DNAH9: variants seen among roughly 807,000 people sequenced by gnomAD.
The protein encoded by DNAH9 is dynein axonemal heavy chain 9, also known as DNAH9 variant protein.
A neutral mutation model predicts 471.6 loss-of-function variants in DNAH9; 345 were observed. The observed-to-expected ratio is 0.73, with a 90% CI of 0.67 to 0.80. The LOEUF (loss-of-function observed/expected upper bound fraction) is 0.80, where lower values mean the gene tolerates loss of function less well. Ranked by LOEUF, DNAH9 falls within the 30% of genes least tolerant of loss-of-function variation. DNAH9 has a pLI of 0.00. For synonymous variants in DNAH9, 2,093 were observed against 2,123.6 expected (o/e 0.99, Z 0.40); for missense variants, 5,407 against 5,609.2 (o/e 0.96, Z 1.15).
intron 48 of DNAH9, among the ~76,000 whole-genome samples, chr17:11,826,335 A>C (rs1194113286): frequency 6.9e-6 from 1 of 144,150 alleles, no homozygotes; most frequent in Non-Finnish European, 1.5e-5. Flanking sequence ...TGCTTCTGCT[A>C]TCCAATTCCC....
At chr17:11,769,739 A>G (rs1364616468) in intron 38 of DNAH9, among the ~76,000 whole-genome samples, 1 of 152,178 alleles carries the variant, frequency 6.6e-6, no homozygotes, top group East Asian at 1.9e-4. Context: ...GGCTCAGGTA[A>G]AAGGATGTGA....
At chr17:11,916,819 A>G (rs985176742) in intron 61 of DNAH9, among the ~76,000 whole-genome samples, 2 of 152,174 alleles carry the variant, frequency 1.3e-5, no homozygotes, top group African/African-American at 4.8e-5. Context: ...CAGATTCAAG[A>G]TTTGTTCCTT....
intron 18 of DNAH9, 115 bp downstream of exon 18, chr17:11,680,094 G>GA: frequency 1.3e-6 from 1 of 788,934 alleles, no homozygotes; most frequent in Non-Finnish European, 2.0e-6. Context: ...TGCAAGATCC[G>GA]TGTTTTGGAA....
chr17:11,643,951 G>A (rs1207792577), intron 10 of DNAH9, among the ~76,000 whole-genome samples: 2 of 152,158 alleles, frequency 1.3e-5, no homozygotes, highest in African/African-American at 2.4e-5. Flanking sequence ...TTAAAAAATG[G>A]TACGCTTGTG....
chr17:11,704,071 T>A lies in DNAH9; in HGVS notation c.5152-132T>A, dbSNP rs184516620. 947 of 1,006,926 alleles carry A rather than the reference T, an allele frequency of 9.4e-4. 4 individuals carry two copies. Among genetic ancestry groups the A allele is most frequent in the South Asian group, 3.9e-3 (267 of 68,176 alleles). The allele number at this position is 1,006,926 out of a possible 1,614,324, so 62.4% of individuals were successfully genotyped here. ...TAGAGCATATGGTTCACTTAGTCAG[T>A]GCTGGTGGAAGAGGGAGGGATGGGG... is the stretch of plus-strand genomic sequence containing the variant. On this transcript the variant is annotated intron_variant, in intron 24 of 68. Coordinates refer to ENST00000262442, the MANE Select transcript of DNAH9 (RefSeq NM_001372.4).
intron 66 of DNAH9, among the ~76,000 whole-genome samples, chr17:11,941,441 C>G (rs984652023): frequency 6.6e-6 from 1 of 152,112 alleles, no homozygotes; most frequent in Non-Finnish European, 1.5e-5. Context: ...TCATTTATTC[C>G]AAAATGGCAG....
At chr17:11,657,355 A>G (rs1313270423) in intron 14 of DNAH9, among the ~76,000 whole-genome samples, 1 of 152,088 alleles carries the variant, frequency 6.6e-6, no homozygotes, top group African/African-American at 2.4e-5. Context: ...CTGATTGGCC[A>G]ATTATATGAA....
rs773849481 is a variant in DNAH9 at position 11,704,319 on chromosome 17, G to C, written c.5268G>C (p.Gln1756His). 5.0e-6 allele frequency: 8 copies of C among 1,614,204 alleles called. No individual in the cohort carries two copies. The highest frequency in any genetic ancestry group is 6.8e-6 in the Non-Finnish European group (8 of 1,180,024). Residue 1756 changes from glutamine (Q) to histidine (H), a missense_variant, in exon 25 of 69, where the codon CAG becomes CAC. By Grantham distance (24) the Gln-to-His change is conservative. Transcript: ENST00000262442. ...ACTATTATAAGAAGCAAGTGGCCCA[G>C]CTCAAAACCCTTATCACCATGCTGA... ...MKDYYKKQVA[Q>H]LKTLITMLIG...
At chr17:11,702,248 T>A (rs7219677) in intron 24 of DNAH9, among the ~76,000 whole-genome samples, 144,267 of 152,284 alleles carry the variant, frequency 0.95, 68,589 homozygotes, top group Non-Finnish European at 0.99. Context: ...TCTGTAGACC[T>A]TGTGAGAGAG....
Position 11,647,055 on chromosome 17 carries a change from G to A in DNAH9, c.1971-17G>A, listed in dbSNP as rs1160629217. 6.2e-7 allele frequency: 1 copy of A among 1,612,720 alleles called. No homozygotes were observed. The highest frequency in any genetic ancestry group is 8.5e-7 in the Non-Finnish European group (1 of 1,179,438). On this transcript the variant is annotated splice_polypyrimidine_tract_variant and intron_variant, in intron 11 of 68. Coordinates refer to ENST00000262442, the MANE Select transcript of DNAH9 (RefSeq NM_001372.4). ...GGAGGGGGCTTATGAGGTGGCTGTT[G>A]TCTCTGACCCTTGCAGGTATGAGAC...
At chr17:11,822,629 G>C in intron 47 of DNAH9, 30 bp downstream of exon 47, 11 of 1,612,214 alleles carry the variant, frequency 6.8e-6, no homozygotes, top group Non-Finnish European at 9.3e-6. Context: ...ACTCCTAAAA[G>C]TCCTTCCCAG....
chr17:11,667,434 G>T (rs2073891426), intron 15 of DNAH9, among the ~76,000 whole-genome samples: 1 of 152,012 alleles, frequency 6.6e-6, no homozygotes, highest in Non-Finnish European at 1.5e-5. Context: ...GTTAAATATT[G>T]GGACTGTCCT....
At chr17:11,803,997 A>G (rs375839529) in intron 43 of DNAH9, among the ~76,000 whole-genome samples, 1 of 152,218 alleles carries the variant, frequency 6.6e-6, no homozygotes, top group Admixed American at 6.5e-5. Flanking sequence ...CATTGCGTAC[A>G]TCACCCCAAA....
chr17:11,782,895 C>T (rs1447600292), intron 39 of DNAH9, among the ~76,000 whole-genome samples: 7 of 151,910 alleles, frequency 4.6e-5, no homozygotes, highest in Admixed American at 4.6e-4. Context: ...GACTCCGTCT[C>T]AAAAAAAGAA....
At chr17:11,866,381 T>G (rs1029316017) in intron 50 of DNAH9, among the ~76,000 whole-genome samples, 3 of 152,138 alleles carry the variant, frequency 2.0e-5, no homozygotes, top group African/African-American at 7.2e-5. Flanking sequence ...TCTGGAAGTT[T>G]TTTCTCAGAG....
chr17:11,951,024 A>G (rs1246513710), intron 67 of DNAH9, among the ~76,000 whole-genome samples: 1 of 152,164 alleles, frequency 6.6e-6, no homozygotes, highest in Admixed American at 6.5e-5. Flanking sequence ...TTATTCCCCT[A>G]TCAACTCACA....
At chr17:11,887,827 G>A (rs1972925976) in intron 57 of DNAH9, among the ~76,000 whole-genome samples, 1 of 152,090 alleles carries the variant, frequency 6.6e-6, no homozygotes, top group Non-Finnish European at 1.5e-5. Context: ...TGAAGACCAA[G>A]ATGGCAGGGA....
At chr17:11,882,349 A>G (rs1302811448) in intron 55 of DNAH9, among the ~76,000 whole-genome samples, 2 of 152,152 alleles carry the variant, frequency 1.3e-5, no homozygotes, top group African/African-American at 4.8e-5. Context: ...CACATGGGGG[A>G]GTTAAGGCTT....
chr17:11,720,369 G>A (rs957115988), intron 27 of DNAH9, among the ~76,000 whole-genome samples: 3 of 151,728 alleles, frequency 2.0e-5, no homozygotes, highest in Non-Finnish European at 2.9e-5. Context: ...ATTTATATTA[G>A]TTGTATCTCC....
Sources: gnomAD v4.1 joint callset for allele counts (sites outside exome capture counted in the v4.1 genomes callset) on GRCh38, gnomAD v4.1.1 for gene constraint, MANE v1.5 for transcripts, NCBI Gene and HGNC (gene_info 2026-07-23, HGNC 2026-07-21) for gene names.